The following TEX14 variants were observed in gnomAD, a reference collection of about 807,000 sequenced individuals.
The protein encoded by TEX14 is testis expressed 14, intercellular bridge forming factor, also known as inactive serine/threonine-protein kinase TEX14.
A neutral mutation model predicts 178.6 loss-of-function variants in TEX14; 168 were observed. The ratio of observed to expected loss-of-function variants is 0.94; its 90% CI spans 0.83 to 1.07. The LOEUF is 1.07. Ranked by LOEUF, TEX14 falls within the 50% of genes least tolerant of loss-of-function variation. The pLI is 0.00. For synonymous variants in TEX14, 626 were observed against 634.1 expected (o/e 0.99, Z 0.19); for missense variants, 1,730 against 1,753.6 (o/e 0.99, Z 0.24).
chr17:58,655,472 G>C (rs1031101316), intron 1 of TEX14, among the ~76,000 whole-genome samples: 2 of 152,052 alleles, frequency 1.3e-5, no homozygotes, highest in African/African-American at 4.8e-5. Flanking sequence ...AGAAGCCACC[G>C]CACCCGGCGA....
intron 1 of TEX14, among the ~76,000 whole-genome samples, chr17:58,680,693 G>A (rs1249179427): frequency 2.0e-5 from 3 of 152,042 alleles, no homozygotes; most frequent in Non-Finnish European, 2.9e-5. Context: ...CTGAGATCAC[G>A]CCGCTGCACT....
Position 58,593,622 on chromosome 17 carries a change from C to A in TEX14, c.2509G>T (p.Glu837Ter). The change falls in exon 15 of 32, where the codon GAA becomes TAA. Residue 837 changes from glutamate (E) to a stop codon, truncating the protein, a stop_gained. Coordinates refer to ENST00000349033, the MANE Select transcript of TEX14 (RefSeq NM_031272.5). LOFTEE classifies it high-confidence loss of function. ...GCTCCTTGAGTGCACTGAAATTGTTCATCTGTGTTCTGTTTTCCAGGGTCA... is the reference window on the plus strand; with the variant it reads ...GCTCCTTGAGTGCACTGAAATTGTTAATCTGTGTTCTGTTTTCCAGGGTCA... Reference protein sequence around the residue: ...LCDPGKQNTDEQFQCTQGAKD... With the variant: ...LCDPGKQNTD The A allele has an allele frequency of 3.1e-6, 5 of 1,614,126 alleles. No homozygotes were observed. The highest frequency in any genetic ancestry group is 4.2e-6 in the Non-Finnish European group (5 of 1,180,024).
At chr17:58,659,235 T>TCCC (rs57065505) in intron 1 of TEX14, 8 of 493,426 alleles carry the variant, frequency 1.6e-5, no homozygotes, top group African/African-American at 8.5e-5. Flanking sequence ...AGCAAACACA[T>TCCC]AGTAAAAACC....
intron 1 of TEX14, among the ~76,000 whole-genome samples, chr17:58,652,998 G>A (rs1017139795): frequency 2.0e-5 from 3 of 152,118 alleles, no homozygotes; most frequent in Admixed American, 6.6e-5. Flanking sequence ...GTGCAGTGGC[G>A]CGATCTCAGC....
chr17:58,572,253 AAAACAAACAAAC>A (rs10684412), intron 23 of TEX14, 127 bp from the exon 24 acceptor site: 12 of 588,582 alleles, frequency 2.0e-5, no homozygotes, highest in Admixed American at 5.9e-5. Context: ...TTACATTATT[AAAACAAACAAAC>A]AAACAAACAA....
Position 58,573,279 on chromosome 17 carries a change from C to T in TEX14, c.3413G>A (p.Ser1138Asn), listed in dbSNP as rs1012832052. ...ISLTDIQDLS[S>N]ISYEPDSSFK... ...AGAGCTGTCTGGTTCATAGGAGATA[C>T]TAGACAGGTCTTGAATATCCGTCAA... The change falls in exon 23 of 32, where the codon AGT becomes AAT. Residue 1138 changes from serine to asparagine, a missense_variant. By Grantham distance (46) the Ser-to-Asn change is conservative. Coordinates refer to ENST00000349033, the MANE Select transcript of TEX14 (RefSeq NM_031272.5). 2.5e-6 allele frequency: 4 copies of T among 1,613,744 alleles called. No individual in the cohort carries two copies. In the East Asian group the frequency reaches 8.9e-5, roughly 36 times the overall value.
At chr17:58,634,992 C>T (rs949961938) in intron 2 of TEX14, among the ~76,000 whole-genome samples, 15 of 151,922 alleles carry the variant, frequency 9.9e-5, no homozygotes, top group East Asian at 1.9e-4. Context: ...AGTAGCCAGG[C>T]GTGGTGGCGG....
intron 11 of TEX14, 142 bp downstream of exon 11, chr17:58,604,836 C>G (rs1003252645): frequency 4.3e-6 from 4 of 922,858 alleles, no homozygotes; most frequent in Non-Finnish European, 6.5e-6. Context: ...GCTGGGATTA[C>G]AGGCGTGAGC....
chr17:58,680,813 C>T (rs1476486068), intron 1 of TEX14, among the ~76,000 whole-genome samples: 1 of 152,050 alleles, frequency 6.6e-6, no homozygotes, highest in Admixed American at 6.6e-5. Flanking sequence ...ATTGTCTTTC[C>T]AAGATCACAC....
rs369126691 is a variant in TEX14, at chr17:58,569,184, T to C, written c.3886+8A>G. ...CGAGAAGTATATTCTGTATTGAACA[T>C]CTCTTACCAATGTCATCAAGTAGCT... is the stretch of plus-strand genomic sequence containing the variant. On this transcript the variant is annotated splice_region_variant and intron_variant, in intron 26 of 31. Transcript: ENST00000349033. The surrounding 1 kb of genome is among the most constrained non-coding windows in gnomAD (Gnocchi z 4.1). 4.3e-6 allele frequency: 7 copies of C among 1,611,640 alleles called. No homozygotes were observed. Among genetic ancestry groups the C allele is most frequent in the Non-Finnish European group, 5.9e-6 (7 of 1,177,876 alleles).
chr17:58,559,067 G>A (rs2044216845), intron 30 of TEX14, among the ~76,000 whole-genome samples: 1 of 152,148 alleles, frequency 6.6e-6, no homozygotes, highest in Admixed American at 6.5e-5. Flanking sequence ...CTACTCAGGA[G>A]GCTGAGGCAG....
intron 11 of TEX14, among the ~76,000 whole-genome samples, chr17:58,603,303 C>T (rs977925060): frequency 1.3e-5 from 2 of 151,886 alleles, no homozygotes; most frequent in African/African-American, 4.8e-5. Flanking sequence ...GCCTGTAATC[C>T]TAGCACTTTG....
chr17:58,615,972 A>AATGC (rs1378867598), intron 7 of TEX14, among the ~76,000 whole-genome samples: 3 of 152,206 alleles, frequency 2.0e-5, no homozygotes, highest in Non-Finnish European at 4.4e-5. Flanking sequence ...AACATTCTAC[A>AATGC]ATGCACAGGA....
chr17:58,665,655 A>C (rs79829565), intron 1 of TEX14, among the ~76,000 whole-genome samples: 99 of 152,216 alleles, frequency 6.5e-4, no homozygotes, highest in African/African-American at 2.4e-3. Flanking sequence ...TAAAGTTCCT[A>C]AGCATTAAAT....
intron 11 of TEX14, among the ~76,000 whole-genome samples, chr17:58,603,920 TG>T (rs2045541075): frequency 6.7e-5 from 10 of 150,288 alleles, no homozygotes; most frequent in African/African-American, 2.4e-4. Context: ...TGTGTGTGTG[TG>T]TGTGTGTGTG....
intron 3 of TEX14, among the ~76,000 whole-genome samples, chr17:58,627,913 CTTTTTT>C (rs1172697593): frequency 2.9e-4 from 22 of 75,692 alleles, no homozygotes; most frequent in Admixed American, 1.0e-3. Flanking sequence ...CCCATGCCAC[CTTTTTT>C]TTTTTTTTTT....
intron 1 of TEX14, among the ~76,000 whole-genome samples, chr17:58,682,948 G>C (rs1433764704): frequency 6.6e-6 from 1 of 151,754 alleles, no homozygotes; most frequent in South Asian, 2.1e-4. Flanking sequence ...AGCTGGATGC[G>C]GTGGCTAACA....
intron 14 of TEX14, among the ~76,000 whole-genome samples, chr17:58,597,510 C>T (rs1479255576): frequency 2.6e-5 from 4 of 152,130 alleles, no homozygotes; most frequent in Middle Eastern, 3.2e-3. Flanking sequence ...CACCATGGGC[C>T]AGCTATTCTA....
At chr17:58,609,936 T>C (rs1033478198) in intron 10 of TEX14, among the ~76,000 whole-genome samples, 1 of 152,042 alleles carries the variant, frequency 6.6e-6, no homozygotes, top group East Asian at 1.9e-4. Context: ...CAGTGATGGG[T>C]AGGTGGCAGA....
Sources: allele counts gnomAD v4.1 joint callset (sites outside exome capture counted in the v4.1 genomes callset), GRCh38; gene constraint gnomAD v4.1.1; non-coding constraint Gnocchi (gnomAD v3.1); transcripts MANE v1.5; gene names NCBI Gene and HGNC (gene_info 2026-07-23, HGNC 2026-07-21).